LPGAT1: variants seen among roughly 807,000 people sequenced by gnomAD.
The protein encoded by LPGAT1 is lysophosphatidylglycerol acyltransferase 1, also known as acyl-CoA:lysophosphatidylglycerol acyltransferase 1.
In LPGAT1, 11 loss-of-function variants were observed where a neutral mutation model predicts 47.5. The ratio of observed to expected loss-of-function variants is 0.23; its 90% CI spans 0.15 to 0.38. The LOEUF is 0.38. Ranked by LOEUF, LPGAT1 falls within the 10% of genes least tolerant of loss-of-function variation. The pLI, the probability that LPGAT1 is intolerant of heterozygous loss-of-function variation, is 1.00. For missense variants in LPGAT1, 293 were observed against 439.0 expected (o/e 0.67, Z 2.97); for synonymous variants, 138 against 144.2 (o/e 0.96, Z 0.31).
chr1:211,772,300 T>G (rs1023254265), intron 6 of LPGAT1, among the ~76,000 whole-genome samples: 4 of 152,332 alleles, frequency 2.6e-5, no homozygotes, highest in African/African-American at 9.6e-5. Context: ...GACTTCCTCC[T>G]ATAACTACAC....
chr1:211,794,022 A>G (rs1263545307), intron 2 of LPGAT1, among the ~76,000 whole-genome samples: 1 of 152,248 alleles, frequency 6.6e-6, no homozygotes, highest in African/African-American at 2.4e-5. Context: ...AATACCATCC[A>G]TGTGTTGTTC....
intron 4 of LPGAT1, among the ~76,000 whole-genome samples, chr1:211,784,997 A>T (rs150408510): frequency 1.3e-5 from 2 of 151,466 alleles, no homozygotes; most frequent in Admixed American, 1.3e-4. Flanking sequence ...TAGAGATGGG[A>T]TTTCACCGTG....
chr1:211,808,350 C>CAAA (rs34803941), intron 2 of LPGAT1, among the ~76,000 whole-genome samples: 10,369 of 122,360 alleles, frequency 0.085, 473 homozygotes, highest in Admixed American at 0.14. Flanking sequence ...AACTCCGTCT[C>CAAA]AAAAAAAAAA....
At chr1:211,768,336 A>G (rs936987579) in intron 6 of LPGAT1, among the ~76,000 whole-genome samples, 5 of 152,226 alleles carry the variant, frequency 3.3e-5, no homozygotes, top group African/African-American at 1.2e-4. Context: ...TTTTTGAATT[A>G]GTTATTTTTA....
chr1:211,782,570 CA>C (rs1248145222), intron 5 of LPGAT1, among the ~76,000 whole-genome samples: 4 of 152,034 alleles, frequency 2.6e-5, no homozygotes, highest in Non-Finnish European at 4.4e-5. Flanking sequence ...CCCATCTCTA[CA>C]AAACAACTAA....
At chr1:211,792,199 G>A (rs558771224) in intron 3 of LPGAT1, 4 of 151,606 alleles carry the variant, frequency 2.6e-5, no homozygotes, top group South Asian at 2.1e-4. Flanking sequence ...AGGAGTTTTG[G>A]CCTGCTCCAT....
intron 2 of LPGAT1, among the ~76,000 whole-genome samples, chr1:211,822,041 T>C (rs1660382681): frequency 6.6e-6 from 1 of 152,194 alleles, no homozygotes; most frequent in African/African-American, 2.4e-5. Context: ...TAGAGACACA[T>C]CTAAATCAAA....
intron 2 of LPGAT1, among the ~76,000 whole-genome samples, chr1:211,817,678 G>A (rs1408088416): frequency 1.3e-5 from 2 of 152,020 alleles, no homozygotes; most frequent in East Asian, 3.8e-4. Context: ...TAAACAACTG[G>A]CAACATTTTA....
chr1:211,781,751 T>G (rs1658653141), intron 5 of LPGAT1, among the ~76,000 whole-genome samples: 1 of 152,200 alleles, frequency 6.6e-6, no homozygotes, highest in African/African-American at 2.4e-5. Context: ...ACAGGCCTAG[T>G]GAATGCCTTT....
At chr1:211,813,995 G>A (rs1182515707) in intron 2 of LPGAT1, among the ~76,000 whole-genome samples, 2 of 152,128 alleles carry the variant, frequency 1.3e-5, no homozygotes, top group African/African-American at 4.8e-5. Context: ...TCTTTTTTAA[G>A]GTCAAAAAAT....
intron 3 of LPGAT1, 124 bp from the exon 4 acceptor site, chr1:211,787,851 C>T: frequency 1.8e-6 from 1 of 568,964 alleles, no homozygotes; most frequent in South Asian, 2.6e-5. Flanking sequence ...TATCTTAAGT[C>T]TAACTCTATT....
intron 4 of LPGAT1, among the ~76,000 whole-genome samples, chr1:211,785,038 T>G (rs540358598): frequency 6.6e-6 from 1 of 152,014 alleles, no homozygotes; most frequent in South Asian, 2.1e-4. Flanking sequence ...CTCCTGACCT[T>G]GTGATCTGCC....
At chr1:211,784,957 C>T (rs1460354730) in intron 4 of LPGAT1, among the ~76,000 whole-genome samples, 1 of 152,112 alleles carries the variant, frequency 6.6e-6, no homozygotes, top group East Asian at 1.9e-4. Flanking sequence ...GCGCCTGCCA[C>T]CACACCCGGC....
chr1:211,800,512 C>G (rs1005933828), intron 2 of LPGAT1, among the ~76,000 whole-genome samples: 10 of 152,224 alleles, frequency 6.6e-5, no homozygotes, highest in Admixed American at 5.2e-4. Flanking sequence ...GCAGGAAAAT[C>G]AAAGATAATA....
chr1:211,794,686 A>T (rs186251204), intron 2 of LPGAT1, among the ~76,000 whole-genome samples: 15 of 152,254 alleles, frequency 9.9e-5, no homozygotes, highest in African/African-American at 2.9e-4. Context: ...GCATTTTTTG[A>T]TATGAATTAT....
chr1:211,821,368 C>G (rs145109444), intron 2 of LPGAT1, among the ~76,000 whole-genome samples: 369 of 152,324 alleles, frequency 2.4e-3, no homozygotes, highest in African/African-American at 8.4e-3. Context: ...AGAGGATAAA[C>G]TTCAGCCAAC....
intron 6 of LPGAT1, among the ~76,000 whole-genome samples, chr1:211,767,521 A>G (rs1202999074): frequency 6.6e-6 from 1 of 152,208 alleles, no homozygotes; most frequent in African/African-American, 2.4e-5. Context: ...TGAACATTTA[A>G]TAACAACAGT....
rs1660697237 is a variant in LPGAT1, at chr1:211,830,452, T to C, written c.-28+121A>G. ...CCGGGGCCTACCGCGCCCTCGTCCCTCAGGCCGCTGCCGCCTCCCCGGGCC... is the reference window on the plus strand; with the variant it reads ...CCGGGGCCTACCGCGCCCTCGTCCCCCAGGCCGCTGCCGCCTCCCCGGGCC... On this transcript the variant is annotated intron_variant, in intron 1 of 7. Coordinates refer to ENST00000366997, the MANE Select transcript of LPGAT1 (RefSeq NM_014873.3). The surrounding 1 kb of genome is among the most constrained non-coding windows in gnomAD (Gnocchi z 5.9). 4.3e-6 allele frequency: 5 copies of C among 1,173,014 alleles called. No individual in the cohort carries two copies. Among genetic ancestry groups the C allele is most frequent in the Non-Finnish European group, 5.3e-6 (5 of 947,698 alleles). 72.7% of individuals were successfully genotyped at this position (1,173,014 alleles called of 1,614,324 possible). A position where few individuals can be genotyped will look rare whatever the true frequency, so the allele number is the denominator to read the frequency against.
intron 3 of LPGAT1, among the ~76,000 whole-genome samples, chr1:211,790,994 T>C (rs546890450): frequency 1.3e-5 from 2 of 152,226 alleles, no homozygotes; most frequent in East Asian, 1.9e-4. Flanking sequence ...AATCAACTAG[T>C]TTTGCAAAAT....
Sources: allele counts gnomAD v4.1 joint callset (sites outside exome capture counted in the v4.1 genomes callset), GRCh38; gene constraint gnomAD v4.1.1; non-coding constraint Gnocchi (gnomAD v3.1); transcripts MANE v1.5; gene names NCBI Gene and HGNC (gene_info 2026-07-23, HGNC 2026-07-21).